Variants in CRYBA4 observed in about 807,000 individuals in gnomAD.
CRYBA4 encodes crystallin beta A4.
In CRYBA4, 30 loss-of-function variants were observed where a neutral mutation model predicts 31.7. That is an observed-to-expected ratio of 0.95 (90% CI 0.71 to 1.28). The LOEUF (loss-of-function observed/expected upper bound fraction) is 1.28, where lower values mean the gene tolerates loss of function less well. Ranked by LOEUF, CRYBA4 falls within the 50% of genes most tolerant of loss-of-function variation. CRYBA4 has a pLI of 0.00. For missense variants in CRYBA4, 225 were observed against 260.7 expected (o/e 0.86, Z 0.94); for synonymous variants, 102 against 102.3 (o/e 1.00, Z 0.02).
chr22:26,595,599 C>T, the CRYBA4 span, among the ~76,000 whole-genome samples: 1 of 151,556 alleles, frequency 6.6e-6, no homozygotes, highest in Non-Finnish European at 1.5e-5. Context: ...AAAAAAAATG[C>T]CTGTGAGATG....
At chr22:26,614,329 G>A in the CRYBA4 span, among the ~76,000 whole-genome samples, 1 of 152,290 alleles carries the variant, frequency 6.6e-6, no homozygotes, top group Admixed American at 6.5e-5. Flanking sequence ...CTACTGACAT[G>A]TGATGTCTCC....
chr22:26,625,438 A>G, intron 3 of CRYBA4, 43 bp from the exon 4 acceptor site: 1 of 1,609,150 alleles, frequency 6.2e-7, no homozygotes, highest in Non-Finnish European at 8.5e-7. Context: ...ATGCAGGGTG[A>G]GGGGGACGCT....
chr22:26,608,827 T>C, the CRYBA4 span, among the ~76,000 whole-genome samples: 1 of 152,192 alleles, frequency 6.6e-6, no homozygotes, highest in Non-Finnish European at 1.5e-5. Context: ...AAGGGAATGA[T>C]GGTAATATCT....
the CRYBA4 span, among the ~76,000 whole-genome samples, chr22:26,597,806 T>G: frequency 6.6e-6 from 1 of 152,236 alleles, no homozygotes; most frequent in Non-Finnish European, 1.5e-5. Context: ...TTTTCAACCT[T>G]TATTGATTAA....
At chr22:26,613,065 C>T in the CRYBA4 span, among the ~76,000 whole-genome samples, 2 of 152,202 alleles carry the variant, frequency 1.3e-5, no homozygotes, top group Non-Finnish European at 2.9e-5. Context: ...TGAGGTTGAT[C>T]AATTTCTGTA....
chr22:26,616,108 G>A, the CRYBA4 span: 1 of 1,578,298 alleles, frequency 6.3e-7, no homozygotes, highest in Non-Finnish European at 8.7e-7. Flanking sequence ...AAGAAGGCAT[G>A]GCACCCAGCC....
the CRYBA4 span, among the ~76,000 whole-genome samples, chr22:26,603,627 G>A: frequency 1.3e-5 from 2 of 150,864 alleles, no homozygotes; most frequent in African/African-American, 2.4e-5. Context: ...AGGCCTGGCC[G>A]GGCGCGGTGG....
the CRYBA4 span, chr22:26,612,080 G>A: frequency 1.9e-6 from 3 of 1,611,972 alleles, no homozygotes; most frequent in East Asian, 2.2e-5. Flanking sequence ...ACGGTCCCGC[G>A]GAGACAATGA....
At chr22:26,627,110 C>T (rs572889863) in intron 4 of CRYBA4, among the ~76,000 whole-genome samples, 5 of 152,246 alleles carry the variant, frequency 3.3e-5, no homozygotes, top group South Asian at 2.1e-4. Flanking sequence ...AACAATCCCT[C>T]ATTCCCAGCA....
At chr22:26,629,386 AC>A (rs1929851548) in intron 5 of CRYBA4, among the ~76,000 whole-genome samples, 1 of 151,202 alleles carries the variant, frequency 6.6e-6, no homozygotes, top group Non-Finnish European at 1.5e-5. Context: ...TTCCTCTTTT[AC>A]AGAAAGGGAA....
At position 26,625,374 on chromosome 22, in the gene CRYBA4, T is replaced by G. The variant is rs182681303; in HGVS notation, c.159-107T>G. On this transcript the variant is annotated intron_variant, in intron 3 of 5. Transcript: ENST00000354760. Reference sequence around the variant, plus strand: ...CGTCAAGTGTTTCCTGGGGGCACAGTCACCCCTGAATGGTTGTGACTGTGA... The same window carrying G: ...CGTCAAGTGTTTCCTGGGGGCACAGGCACCCCTGAATGGTTGTGACTGTGA... 6 of 1,309,402 alleles carry G rather than the reference T, an allele frequency of 4.6e-6. No individual in the cohort carries two copies. The Admixed American group carries it at 1.2e-4, about 26-fold the overall frequency. 81.1% of individuals were successfully genotyped at this position (1,309,402 alleles called of 1,614,324 possible).
the CRYBA4 span, among the ~76,000 whole-genome samples, chr22:26,595,626 C>T: frequency 2.2e-3 from 335 of 151,992 alleles, 2 homozygotes; most frequent in African/African-American, 7.5e-3. Flanking sequence ...ATCCAGAAGA[C>T]CTGGACTCTG....
At position 26,630,428 on chromosome 22, in the gene CRYBA4, G is replaced by C; in HGVS notation, c.532G>C (p.Glu178Gln). 1 of 1,614,142 alleles carries C rather than the reference G, an allele frequency of 6.2e-7. No homozygotes were observed. Among genetic ancestry groups the C allele is most frequent in the African/African-American group, 1.3e-5 (1 of 75,076 alleles). The change falls in exon 6 of 6, where the codon GAG (glutamate) becomes CAG (glutamine). Residue 178 changes from glutamate (E) to glutamine (Q), a missense_variant. Transcript: ENST00000354760. ...TTCCGGTGACTACAAACATTTCCGG[G>C]AGTGGGGCTCTCATGCCCCGACCTT... ...HHSGDYKHFREWGSHAPTFQV... is the reference protein window; with the variant it reads ...HHSGDYKHFRQWGSHAPTFQV...
chr22:26,599,073 T>G, the CRYBA4 span, among the ~76,000 whole-genome samples: 1 of 152,278 alleles, frequency 6.6e-6, no homozygotes, highest in Admixed American at 6.5e-5. Context: ...AACACATCCA[T>G]TCAGGACCCA....
the CRYBA4 span, among the ~76,000 whole-genome samples, chr22:26,613,486 C>T: frequency 6.6e-6 from 1 of 152,194 alleles, no homozygotes; most frequent in African/African-American, 2.4e-5. Context: ...TTTATTAGTT[C>T]CCCAAATTAA....
chr22:26,616,201 G>T, the CRYBA4 span: 1 of 1,614,168 alleles, frequency 6.2e-7, no homozygotes, highest in East Asian at 2.2e-5. Flanking sequence ...GGTTGTTGGG[G>T]CCAGGGTAGT....
intron 3 of CRYBA4, 139 bp downstream of exon 3, chr22:26,623,491 T>C: frequency 1.5e-6 from 1 of 683,610 alleles, no homozygotes; most frequent in East Asian, 2.7e-5. Context: ...CTGAGGAGTG[T>C]GCAGGACTGC....
chr22:26,611,124 G>A, the CRYBA4 span, among the ~76,000 whole-genome samples: 1 of 152,156 alleles, frequency 6.6e-6, no homozygotes, highest in Non-Finnish European at 1.5e-5. Context: ...AACAGGCAGT[G>A]AAGCATGGTG....
chr22:26,598,149 C>T, the CRYBA4 span, among the ~76,000 whole-genome samples: 1 of 152,022 alleles, frequency 6.6e-6, no homozygotes, highest in Non-Finnish European at 1.5e-5. Context: ...TCCCGAAGTG[C>T]TGGGATTACA....
Sources: allele counts gnomAD v4.1 joint callset (sites outside exome capture counted in the v4.1 genomes callset), GRCh38; gene constraint gnomAD v4.1.1; transcripts MANE v1.5; gene names NCBI Gene and HGNC (gene_info 2026-07-23, HGNC 2026-07-21).